DDIT4L: variants seen among roughly 807,000 people sequenced by gnomAD.
DDIT4L encodes the protein DNA damage-inducible transcript 4-like protein.
In DDIT4L, 13 loss-of-function variants were observed where a neutral mutation model predicts 15.9. The observed-to-expected ratio is 0.82, with a 90% CI of 0.53 to 1.30. DDIT4L has a LOEUF of 1.30. Ranked by LOEUF, DDIT4L falls within the 50% of genes most tolerant of loss-of-function variation. The probability of loss-of-function intolerance (pLI) is 0.00; values close to 1 mark genes in which losing one functional copy is unlikely to be tolerated. For synonymous variants in DDIT4L, 82 were observed against 85.4 expected (o/e 0.96, Z 0.22); for missense variants, 235 against 224.8 (o/e 1.05, Z -0.29).
chr4:100,186,398 A>C lies in DDIT4L; in HGVS notation c.*1279T>G, dbSNP rs1247648456. ...TCCTTATCCACGACCCACAGCAAGG[A>C]TATGAAAGCCTTGCTGAATTGAACA... On this transcript the variant is annotated 3_prime_UTR_variant, in exon 3 of 3. Coordinates refer to ENST00000273990, the MANE Select transcript of DDIT4L (RefSeq NM_145244.4). 1.3e-5 allele frequency: 2 copies of C among 152,192 alleles called. No individual in the cohort carries two copies. Among genetic ancestry groups the C allele is most frequent in the African/African-American group, 4.8e-5 (2 of 41,442 alleles). 9.4% of individuals were successfully genotyped at this position (152,192 alleles called of 1,614,324 possible).
chr4:100,188,103 T>G lies in DDIT4L; in HGVS notation c.156A>C (p.Ser52=), dbSNP rs749992893. 1 of 1,613,980 alleles carries G rather than the reference T, an allele frequency of 6.2e-7. No homozygotes were observed. The highest frequency in any genetic ancestry group is 8.5e-7 in the Non-Finnish European group (1 of 1,180,022). ...GCATTTTAACCAAATTCTGGCAAGTTGATTCCTCAAATATTACCTCGTTGA... is the reference window on the plus strand; with the variant it reads ...GCATTTTAACCAAATTCTGGCAAGTGGATTCCTCAAATATTACCTCGTTGA... ...PNLNEVIFEE[S]TCQNLVKMLE... The change falls in exon 3 of 3, where the codon TCA becomes TCC. Residue 52 remains serine (S), a synonymous_variant. Transcript: ENST00000273990.
At position 100,186,583 on chromosome 4, in the gene DDIT4L, G is replaced by A. The variant is rs750473171; in HGVS notation, c.*1094C>T. 6.6e-6 allele frequency: 1 copy of A among 152,182 alleles called. No homozygotes were observed. The highest frequency in any genetic ancestry group is 1.5e-5 in the Non-Finnish European group (1 of 68,046). The allele number at this position is 152,182 out of a possible 1,614,324, so 9.4% of individuals were successfully genotyped here. A position where few individuals can be genotyped will look rare whatever the true frequency, so the allele number is the denominator to read the frequency against. On this transcript the variant is annotated 3_prime_UTR_variant, in exon 3 of 3. Transcript: ENST00000273990. ...GTGCATGCATGGTTATCTGGACGGT[G>A]AGTTTCATTCTCTAGGCTGTACTAT...
At position 100,187,591 on chromosome 4, in the gene DDIT4L, G is replaced by T; in HGVS notation, c.*86C>A. The T allele has an allele frequency of 6.9e-7, 1 of 1,442,246 alleles. No homozygotes were observed. The highest frequency in any genetic ancestry group is 9.2e-7 in the Non-Finnish European group (1 of 1,088,060). The allele number at this position is 1,442,246 out of a possible 1,614,324, so 89.3% of individuals were successfully genotyped here. On this transcript the variant is annotated 3_prime_UTR_variant, in exon 3 of 3. Coordinates refer to ENST00000273990, the MANE Select transcript of DDIT4L (RefSeq NM_145244.4). The stretch of plus-strand genomic sequence containing the variant: ...ATTTGGGGTTTCTTATTTAGGGCAG[G>T]TGGGGCAAACTACAAATGACTTTAG...
At position 100,186,844 on chromosome 4, in the gene DDIT4L, C is replaced by T. The variant is rs1200874312; in HGVS notation, c.*833G>A. On this transcript the variant is annotated 3_prime_UTR_variant, in exon 3 of 3. Transcript: ENST00000273990. ...AGTGAATCAGAGAGGGACTAGATCTCAGAACTAATTTCCTATCCTCACAGG... is the reference window on the plus strand; with the variant it reads ...AGTGAATCAGAGAGGGACTAGATCTTAGAACTAATTTCCTATCCTCACAGG... The T allele has an allele frequency of 6.6e-6, 1 of 152,174 alleles. No homozygotes were observed. Among genetic ancestry groups the T allele is most frequent in the African/African-American group, 2.4e-5 (1 of 41,444 alleles). 9.4% of individuals were successfully genotyped at this position (152,174 alleles called of 1,614,324 possible).
rs1723495895 is a variant in DDIT4L, at chr4:100,190,322, G to C, written c.-69C>G. The C allele has an allele frequency of 3.6e-5, 11 of 307,642 alleles. No individual in the cohort carries two copies. The highest frequency in any genetic ancestry group is 2.6e-4 in the South Asian group (7 of 27,116). The allele number at this position is 307,642 out of a possible 1,614,324, so 19.1% of individuals were successfully genotyped here. ...GCTCACCTGCCAGGAGTTCGCGGGG[G>C]CCTGCGCGCTCGCTGCCGGGTAAAC... On this transcript the variant is annotated 5_prime_UTR_variant, in exon 1 of 3. Transcript: ENST00000273990.
Position 100,187,840 on chromosome 4 carries a change from A to G in DDIT4L, c.419T>C (p.Phe140Ser), listed in dbSNP as rs746510127. The G allele has an allele frequency of 2.5e-6, 4 of 1,613,642 alleles. No individual in the cohort carries two copies. The highest frequency in any genetic ancestry group is 3.4e-6 in the Non-Finnish European group (4 of 1,179,938). ...VVPTFELTLVFKQENCSWTSF... is the reference protein window; with the variant it reads ...VVPTFELTLVSKQENCSWTSF... Reference sequence around the variant, plus strand: ...AGTCCATGAGCAGTTCTCCTGCTTAAACACAAGTGTAAGCTCAAAAGTAGG... The same window carrying G: ...AGTCCATGAGCAGTTCTCCTGCTTAGACACAAGTGTAAGCTCAAAAGTAGG... The change falls in exon 3 of 3, where the codon TTT becomes TCT. Residue 140 changes from phenylalanine to serine, a missense_variant. Transcript: ENST00000273990.
At chr4:100,190,054 G>C in intron 1 of DDIT4L, 22 bp from the exon 2 acceptor site, 1 of 1,480,482 alleles carries the variant, frequency 6.8e-7, no homozygotes, top group Non-Finnish European at 9.4e-7. Context: ...GAGGCGAGAA[G>C]AGACGGATTT....
rs774185579 is a variant in DDIT4L at position 100,189,950 on chromosome 4, G to A, written c.34C>T (p.Pro12Ser). The A allele has an allele frequency of 2.3e-5, 37 of 1,614,036 alleles. No homozygotes were observed. The highest frequency in any genetic ancestry group is 1.6e-4 in the Middle Eastern group (1 of 6,084). Residue 12 changes from proline to serine, a missense_variant, in exon 2 of 3, where the codon CCG becomes TCG. Transcript: ENST00000273990. ...VATGSLSSKN[P>S]ASISELLDCG... Reference sequence around the variant, plus strand: ...TCCAGCAATTCTGAAATGCTGGCCGGGTTCTTGCTGCTCAAACTGCCAGTT... The same window carrying A: ...TCCAGCAATTCTGAAATGCTGGCCGAGTTCTTGCTGCTCAAACTGCCAGTT...
At position 100,187,854 on chromosome 4, in the gene DDIT4L, C is replaced by A; in HGVS notation, c.405G>T (p.Glu135Asp). Residue 135 changes from glutamate to aspartate, a missense_variant, in exon 3 of 3, where the codon GAG (glutamate) becomes GAT (aspartate). By Grantham distance (45) the Glu-to-Asp change is conservative. Coordinates refer to ENST00000273990, the MANE Select transcript of DDIT4L (RefSeq NM_145244.4). ...VCDSSVVPTF[E>D]LTLVFKQENC... ...TCTCCTGCTTAAACACAAGTGTAAGCTCAAAAGTAGGTACGACGCTAGAAT... is the reference window on the plus strand; with the variant it reads ...TCTCCTGCTTAAACACAAGTGTAAGATCAAAAGTAGGTACGACGCTAGAAT... 1 of 1,613,552 alleles carries A rather than the reference C, an allele frequency of 6.2e-7. No homozygotes were observed. The highest frequency in any genetic ancestry group is 8.5e-7 in the Non-Finnish European group (1 of 1,179,928).
intron 2 of DDIT4L, 73 bp from the exon 3 acceptor site, chr4:100,188,240 C>A: frequency 6.9e-7 from 1 of 1,450,730 alleles, no homozygotes; most frequent in South Asian, 1.3e-5. Context: ...ACCAAGATAT[C>A]AACATTGGTT....
At chr4:100,189,331 A>C (rs1290423611) in intron 2 of DDIT4L, among the ~76,000 whole-genome samples, 1 of 152,158 alleles carries the variant, frequency 6.6e-6, no homozygotes, top group African/African-American at 2.4e-5. Context: ...ACGACTGAAA[A>C]TCCTACTCAG....
In DDIT4L at chr4:100,186,797, C is replaced by T. The variant is rs1346823427; in HGVS notation, c.*880G>A. The T allele has an allele frequency of 1.3e-5, 2 of 152,142 alleles. No homozygotes were observed. Among genetic ancestry groups the T allele is most frequent in the African/African-American group, 2.4e-5 (1 of 41,428 alleles). 9.4% of individuals were successfully genotyped at this position (152,142 alleles called of 1,614,324 possible). On this transcript the variant is annotated 3_prime_UTR_variant, in exon 3 of 3. Transcript: ENST00000273990. ...CATCTGAGATTAAGCACATGTAATACTGAAAAGAGGATAGATTACTAAGTG... is the reference window on the plus strand; with the variant it reads ...CATCTGAGATTAAGCACATGTAATATTGAAAAGAGGATAGATTACTAAGTG...
intron 2 of DDIT4L, 152 bp downstream of exon 2, chr4:100,189,741 G>T (rs1723483083): frequency 1.6e-6 from 1 of 641,252 alleles, no homozygotes. Context: ...ATGGAGAGAA[G>T]ATGTTAGAAA....
chr4:100,186,045 A>T lies in DDIT4L; in HGVS notation c.*1632T>A, dbSNP rs1405039169. The T allele has an allele frequency of 6.6e-6, 1 of 152,220 alleles. No homozygotes were observed. The highest frequency in any genetic ancestry group is 1.5e-5 in the Non-Finnish European group (1 of 68,040). 9.4% of individuals were successfully genotyped at this position (152,220 alleles called of 1,614,324 possible). ...AACAGTTCTACATCCATGCCCAAGA[A>T]GCCTTGCCCAGTCAGTGGTGACAAC... is the stretch of plus-strand genomic sequence containing the variant. On this transcript the variant is annotated 3_prime_UTR_variant, in exon 3 of 3. Transcript: ENST00000273990.
At chr4:100,188,948 C>A (rs565811194) in intron 2 of DDIT4L, among the ~76,000 whole-genome samples, 5 of 152,238 alleles carry the variant, frequency 3.3e-5, no homozygotes, top group African/African-American at 1.2e-4. Context: ...CATTTGGTCA[C>A]CTACACCTCA....
At chr4:100,189,741 GAT>G (rs923371485) in intron 2 of DDIT4L, 150 bp downstream of exon 2, 2 of 641,134 alleles carry the variant, frequency 3.1e-6, no homozygotes, top group African/African-American at 1.9e-5. Context: ...ATGGAGAGAA[GAT>G]GTTAGAAAAT....
rs780163201 is a variant in DDIT4L, at chr4:100,189,932, A to G, written c.52T>C (p.Leu18=). ...TCTGGGTGATAGCCACAGTCCAGCA[A>G]TTCTGAAATGCTGGCCGGGTTCTTG... ...SSKNPASISE[L]LDCGYHPESL... The change falls in exon 2 of 3, where the codon TTG becomes CTG. Residue 18 remains leucine, a synonymous_variant. Transcript: ENST00000273990. 1.9e-6 allele frequency: 3 copies of G among 1,614,134 alleles called. No homozygotes were observed. The highest frequency in any genetic ancestry group is 2.5e-6 in the Non-Finnish European group (3 of 1,180,020).
In DDIT4L at chr4:100,188,038, C is replaced by T. The variant is rs377197657; in HGVS notation, c.221G>A (p.Gly74Asp). The T allele has an allele frequency of 6.2e-6, 10 of 1,614,132 alleles. No homozygotes were observed. The highest frequency in any genetic ancestry group is 8.5e-6 in the Non-Finnish European group (10 of 1,180,040). The change falls in exon 3 of 3, where the codon GGT becomes GAT. Residue 74 changes from glycine to aspartate, a missense_variant. Transcript: ENST00000273990. Reference sequence around the variant, plus strand: ...CTCAGGGACAAGGACCTTTGAGCAACCAAGTTTAGTTTGCTTTGATTTGGA... The same window carrying T: ...CTCAGGGACAAGGACCTTTGAGCAATCAAGTTTAGTTTGCTTTGATTTGGA... Reference protein sequence around the residue: ...CLSKSKQTKLGCSKVLVPEKL... With the variant: ...CLSKSKQTKLDCSKVLVPEKL...
intron 2 of DDIT4L, among the ~76,000 whole-genome samples, chr4:100,189,441 C>T (rs978614780): frequency 2.0e-5 from 3 of 152,212 alleles, no homozygotes; most frequent in African/African-American, 7.2e-5. Flanking sequence ...AAAAGAATAC[C>T]TACTGTATGG....
Sources: gnomAD v4.1 joint callset for allele counts (sites outside exome capture counted in the v4.1 genomes callset) on GRCh38, gnomAD v4.1.1 for gene constraint, MANE v1.5 for transcripts, NCBI Gene and HGNC (gene_info 2026-07-23, HGNC 2026-07-21) for gene names.